TSHZ2: variants seen among roughly 807,000 people sequenced by gnomAD.
TSHZ2 encodes teashirt zinc finger homeobox 2, also known as teashirt homolog 2.
TSHZ2 carries 21 observed loss-of-function variants against 74.4 expected under a neutral mutation model. The observed-to-expected ratio is 0.28, with a 90% CI of 0.20 to 0.41. TSHZ2 has a LOEUF of 0.41. Ranked by LOEUF, TSHZ2 falls within the 10% of genes least tolerant of loss-of-function variation. The pLI, the probability that TSHZ2 is intolerant of heterozygous loss-of-function variation, is 1.00. For synonymous variants in TSHZ2, 540 were observed against 515.3 expected (o/e 1.05, Z -0.65); for missense variants, 1,244 against 1,293.5 (o/e 0.96, Z 0.59).
chr20:53,316,620 TAAAAG>T (rs1979034747), intron 2 of TSHZ2, among the ~76,000 whole-genome samples: 1 of 151,482 alleles, frequency 6.6e-6, no homozygotes, highest in Non-Finnish European at 1.5e-5. Flanking sequence ...ACACTGGAAA[TAAAAG>T]AACTTTCTAG....
rs145684258 is a variant in TSHZ2 at position 53,032,744 on chromosome 20, A to AT, written c.40+59424dup. Among the ~76,000 whole-genome samples, 448 of 145,636 alleles carry AT rather than the reference A, an allele frequency of 3.1e-3. 1 individual carries two copies. The highest frequency in any genetic ancestry group is 4.7e-3 in the Non-Finnish European group (311 of 65,724). On this transcript the variant is annotated intron_variant, in intron 1 of 2. Transcript: ENST00000371497. Reference sequence around the variant, plus strand: ...CTGAGTTACTTTTCCCCATGTCCTGATTTTTTTTTTTTTCCGACTCCTTTC... The same window carrying AT: ...CTGAGTTACTTTTCCCCATGTCCTGATTTTTTTTTTTTTTCCGACTCCTTTC...
intron 1 of TSHZ2, among the ~76,000 whole-genome samples, chr20:53,076,953 G>A (rs991624038): frequency 6.6e-6 from 1 of 152,154 alleles, no homozygotes; most frequent in African/African-American, 2.4e-5. Flanking sequence ...TTTTGTATCC[G>A]GAAGAATCAT....
chr20:53,250,870 A>G (rs1990311094), intron 1 of TSHZ2, among the ~76,000 whole-genome samples: 1 of 148,674 alleles, frequency 6.7e-6, no homozygotes, highest in East Asian at 2.0e-4. Context: ...CTTTTCTCCT[A>G]GTTTGAAAAT....
chr20:53,190,138 T>TATATATATATATATATATATATA (rs1568803559), intron 1 of TSHZ2, among the ~76,000 whole-genome samples: 3 of 101,704 alleles, frequency 2.9e-5, no homozygotes, highest in Admixed American at 1.0e-4. Context: ...TATATATATA[T>TATATATATATATATATATATATA]TTTCTTAAAT....
At chr20:53,164,524 A>T (rs1022794818) in intron 1 of TSHZ2, among the ~76,000 whole-genome samples, 1 of 152,208 alleles carries the variant, frequency 6.6e-6, no homozygotes, top group South Asian at 2.1e-4. Context: ...ACTTTCTGTG[A>T]TGATGGAAAT....
intron 1 of TSHZ2, among the ~76,000 whole-genome samples, chr20:53,000,591 G>A (rs954228893): frequency 3.9e-5 from 6 of 152,042 alleles, no homozygotes; most frequent in Admixed American, 1.3e-4. Context: ...TAATAATACA[G>A]GCAGTATGGA....
chr20:53,107,698 C>T (rs989425490), intron 1 of TSHZ2, among the ~76,000 whole-genome samples: 8 of 152,134 alleles, frequency 5.3e-5, no homozygotes, highest in African/African-American at 1.9e-4. Context: ...GGGTGCCGCA[C>T]GTATCTTCCC....
chr20:53,066,382 A>T (rs1600673208), intron 1 of TSHZ2, among the ~76,000 whole-genome samples: 3 of 150,944 alleles, frequency 2.0e-5, no homozygotes, highest in Admixed American at 2.0e-4. Context: ...ACCCCCCACA[A>T]TTTTCACATT....
chr20:52,990,649 T>C (rs1981948565), intron 1 of TSHZ2, among the ~76,000 whole-genome samples: 1 of 152,202 alleles, frequency 6.6e-6, no homozygotes, highest in African/African-American at 2.4e-5. Context: ...CCCCCGGATT[T>C]TGTGTTACAA....
At position 53,487,272 on chromosome 20, in the gene TSHZ2, C is replaced by CAAAAAAAAAAAAAAAAAAAAAAAAAAA. The variant is rs11394425; in HGVS notation, c.*158_*159insAAAAAAAAAAAAAAAAAAAAAAAAAAA. 1 of 112,092 alleles carries CAAAAAAAAAAAAAAAAAAAAAAAAAAA rather than the reference C, an allele frequency of 8.9e-6. No homozygotes were observed. Among genetic ancestry groups the CAAAAAAAAAAAAAAAAAAAAAAAAAAA allele is most frequent in the Non-Finnish European group, 1.8e-5 (1 of 54,690 alleles). The allele number at this position is 112,092 out of a possible 1,614,324, so 6.9% of individuals were successfully genotyped here. On this transcript the variant is annotated 3_prime_UTR_variant, in exon 3 of 3. Transcript: ENST00000371497. ...GACACCCTGGCTCTGAGAAGACTGC[C>CAAAAAAAAAAAAAAAAAAAAAAAAAAA]AAAAAAAAAAAAAAAAAAAAATCAC...
At chr20:53,132,125 C>A (rs1987120393) in intron 1 of TSHZ2, among the ~76,000 whole-genome samples, 1 of 152,062 alleles carries the variant, frequency 6.6e-6, no homozygotes, top group South Asian at 2.1e-4. Context: ...CTGACCCAGG[C>A]AGTAACTGTT....
intron 2 of TSHZ2, among the ~76,000 whole-genome samples, chr20:53,450,443 C>T (rs543437206): frequency 6.6e-6 from 1 of 152,174 alleles, no homozygotes; most frequent in Non-Finnish European, 1.5e-5. Flanking sequence ...CAAGAATGAG[C>T]CATTTGCCTT....
intron 1 of TSHZ2, among the ~76,000 whole-genome samples, chr20:53,122,596 T>C (rs1041955014): frequency 2.0e-5 from 3 of 152,102 alleles, no homozygotes; most frequent in African/African-American, 7.2e-5. Context: ...AGGGGGCAGC[T>C]CTCTGGAAGG....
chr20:53,119,098 C>G (rs938431143), intron 1 of TSHZ2, among the ~76,000 whole-genome samples: 1 of 152,248 alleles, frequency 6.6e-6, no homozygotes, highest in East Asian at 1.9e-4. Context: ...CACCTCCCAC[C>G]AGGCCTCACC....
At chr20:53,141,587 A>G (rs1011676372) in intron 1 of TSHZ2, among the ~76,000 whole-genome samples, 1 of 152,208 alleles carries the variant, frequency 6.6e-6, no homozygotes, top group African/African-American at 2.4e-5. Context: ...TGACAGTTTC[A>G]TATTTAACTG....
chr20:53,441,217 A>G (rs1307483807), intron 2 of TSHZ2, among the ~76,000 whole-genome samples: 2 of 134,838 alleles, frequency 1.5e-5, no homozygotes, highest in South Asian at 2.6e-4. Flanking sequence ...ACCCTTATTT[A>G]TTTGTTTATT....
At chr20:53,332,999 C>G (rs1336135931) in intron 2 of TSHZ2, among the ~76,000 whole-genome samples, 2 of 152,196 alleles carry the variant, frequency 1.3e-5, no homozygotes, top group Non-Finnish European at 2.9e-5. Context: ...GTGTGATTCT[C>G]TCTCCCAGAT....
intron 2 of TSHZ2, chr20:53,399,167 A>T (rs542434957): frequency 6.6e-6 from 1 of 152,338 alleles, no homozygotes; most frequent in African/African-American, 2.4e-5. Context: ...AACAGTAAGG[A>T]ATCATGCATA....
At chr20:53,008,199 T>A (rs1398384713) in intron 1 of TSHZ2, among the ~76,000 whole-genome samples, 1 of 152,036 alleles carries the variant, frequency 6.6e-6, no homozygotes, top group East Asian at 1.9e-4. Context: ...AAGAAAAAAA[T>A]AAAGGGAAGA....
Sources: allele counts gnomAD v4.1 joint callset (sites outside exome capture counted in the v4.1 genomes callset), GRCh38; gene constraint gnomAD v4.1.1; transcripts MANE v1.5; gene names NCBI Gene and HGNC (gene_info 2026-07-23, HGNC 2026-07-21).